COL4A2: variants seen among roughly 807,000 people sequenced by gnomAD.
COL4A2 encodes the protein collagen type IV alpha 2 chain, also known as collagen alpha-2(IV) chain.
A neutral mutation model predicts 200.2 loss-of-function variants in COL4A2; 99 were observed. The observed-to-expected ratio is 0.49, with a 90% CI of 0.42 to 0.58. The LOEUF (loss-of-function observed/expected upper bound fraction) is 0.58, where lower values mean the gene tolerates loss of function less well. Ranked by LOEUF, COL4A2 falls within the 20% of genes least tolerant of loss-of-function variation. COL4A2 has a pLI of 0.00. For missense variants in COL4A2, 1,950 were observed against 2,314.1 expected, an observed-to-expected ratio of 0.84 and a Z score of 3.23; for synonymous variants, 897 against 900.6, an observed-to-expected ratio of 1.00 and a Z score of 0.07.
intron 4 of COL4A2, among the ~76,000 whole-genome samples, chr13:110,393,031 G>A (rs9559785): frequency 0.088 from 13,415 of 152,190 alleles, 976 homozygotes; most frequent in East Asian, 0.36. Flanking sequence ...ATATCCACAC[G>A]AACAGCTGCG....
intron 24 of COL4A2, 137 bp from the exon 25 acceptor site, chr13:110,465,268 G>A (rs775294910): frequency 1.7e-4 from 194 of 1,157,860 alleles, no homozygotes; most frequent in Non-Finnish European, 2.3e-4. Context: ...ATGGCACTAG[G>A]TTCCTGTTCA....
chr13:110,456,729 T>TGCCCTGTGTCTGGGGGG, intron 20 of COL4A2: 1 of 471,152 alleles, frequency 2.1e-6, no homozygotes, highest in Non-Finnish European at 4.4e-6. Context: ...GTGGTGCCCA[T>TGCCCTGTGTCTGGGGGG]GCCCTGTGTC....
chr13:110,365,026 T>C (rs963688673), intron 4 of COL4A2, among the ~76,000 whole-genome samples: 4 of 152,254 alleles, frequency 2.6e-5, no homozygotes, highest in African/African-American at 9.6e-5. Flanking sequence ...GGATATATAC[T>C]AAGTATTTGT....
At chr13:110,449,648 G>A in intron 18 of COL4A2, 31 bp from the exon 19 acceptor site, 1 of 1,527,096 alleles carries the variant, frequency 6.5e-7, no homozygotes, top group Non-Finnish European at 8.8e-7. Context: ...CCACGGTCTT[G>A]TTCTTACTGT....
At chr13:110,399,408 G>A (rs574931985) in intron 4 of COL4A2, among the ~76,000 whole-genome samples, 3 of 152,308 alleles carry the variant, frequency 2.0e-5, no homozygotes, top group South Asian at 2.1e-4. Context: ...GTGAGCTCCC[G>A]TATTGACTTG....
chr13:110,424,585 G>T (rs1434276085), intron 4 of COL4A2, 149 bp from the exon 5 acceptor site: 4 of 494,440 alleles, frequency 8.1e-6, no homozygotes, highest in South Asian at 9.1e-5. Context: ...AGCTATCATG[G>T]CAGTAGATGA....
chr13:110,399,621 G>A (rs969032995), intron 4 of COL4A2, among the ~76,000 whole-genome samples: 1 of 152,194 alleles, frequency 6.6e-6, no homozygotes, highest in African/African-American at 2.4e-5. Flanking sequence ...TTCCCTTGGT[G>A]ACACAATCCA....
chr13:110,376,628 G>T (rs976051237), intron 4 of COL4A2, among the ~76,000 whole-genome samples: 2 of 152,150 alleles, frequency 1.3e-5, no homozygotes, highest in South Asian at 2.1e-4. Flanking sequence ...TGCCTCTCAC[G>T]CTGTAATGTG....
intron 4 of COL4A2, among the ~76,000 whole-genome samples, chr13:110,370,702 T>A (rs1877966061): frequency 6.6e-6 from 1 of 152,260 alleles, no homozygotes; most frequent in Non-Finnish European, 1.5e-5. Flanking sequence ...CAGTTGCTGA[T>A]GTGGAGATGG....
intron 3 of COL4A2, among the ~76,000 whole-genome samples, chr13:110,312,331 G>C (rs140164413): frequency 6.6e-6 from 1 of 152,170 alleles, no homozygotes; most frequent in Non-Finnish European, 1.5e-5. Context: ...GGCTCTGTAC[G>C]ACCAGGCGGC....
intron 27 of COL4A2, chr13:110,468,122 G>A (rs932050481): frequency 4.3e-6 from 2 of 470,558 alleles, no homozygotes; most frequent in African/African-American, 2.0e-5. Flanking sequence ...AGCAATGAGA[G>A]TTAGGAAAGT....
chr13:110,404,384 C>T (rs1879486939), intron 4 of COL4A2, among the ~76,000 whole-genome samples: 1 of 152,198 alleles, frequency 6.6e-6, no homozygotes, highest in South Asian at 2.1e-4. Context: ...ATGCTGACAC[C>T]TACTGCGTGA....
chr13:110,312,607 C>T (rs1885014835), intron 3 of COL4A2, among the ~76,000 whole-genome samples: 1 of 152,148 alleles, frequency 6.6e-6, no homozygotes, highest in African/African-American at 2.4e-5. Context: ...TTCTTTTTAT[C>T]TGAAGAAGAA....
Position 110,446,768 on chromosome 13 carries a change from A to G in COL4A2, c.1012-30A>G. On this transcript the variant is annotated intron_variant, in intron 17 of 47. Transcript: ENST00000360467. ...TCAAAAACTCCAAAAGGCTATTCTCACATCCTGTTTTTCTCTTTTCTTTCT... is the reference window on the plus strand; with the variant it reads ...TCAAAAACTCCAAAAGGCTATTCTCGCATCCTGTTTTTCTCTTTTCTTTCT... 3 of 1,593,696 alleles carry G rather than the reference A, an allele frequency of 1.9e-6. No homozygotes were observed. The South Asian group carries it at 3.3e-5, about 18-fold the overall frequency.
chr13:110,337,047 G>T (rs1321845822), intron 3 of COL4A2, among the ~76,000 whole-genome samples: 8 of 152,214 alleles, frequency 5.3e-5, no homozygotes, highest in Non-Finnish European at 8.8e-5. Flanking sequence ...GTTCCAAGGA[G>T]AAATGAGGGG....
At chr13:110,398,534 T>C (rs930179858) in intron 4 of COL4A2, among the ~76,000 whole-genome samples, 2 of 152,042 alleles carry the variant, frequency 1.3e-5, no homozygotes, top group Non-Finnish European at 1.5e-5. Flanking sequence ...TTGTTTTTAG[T>C]TTAGTGGTTT....
rs3929758 is a variant in COL4A2, at chr13:110,429,810, C to G, written c.478-75C>G. 1.7e-5 allele frequency: 25 copies of G among 1,470,998 alleles called. No individual in the cohort carries two copies. The African/African-American group carries it at 3.1e-4, about 18-fold the overall frequency. 91.1% of individuals were successfully genotyped at this position (1,470,998 alleles called of 1,614,324 possible). Reference sequence around the variant, plus strand: ...ACAAAAGTCAATGTTCAGTCATCCACATTACCATAGCTGCACCGAATGTTA... The same window carrying G: ...ACAAAAGTCAATGTTCAGTCATCCAGATTACCATAGCTGCACCGAATGTTA... On this transcript the variant is annotated intron_variant, in intron 7 of 47. Coordinates refer to ENST00000360467, the MANE Select transcript of COL4A2 (RefSeq NM_001846.4).
At chr13:110,489,172 G>T (rs1883202652) in intron 34 of COL4A2, among the ~76,000 whole-genome samples, 1 of 152,076 alleles carries the variant, frequency 6.6e-6, no homozygotes, top group Non-Finnish European at 1.5e-5. Flanking sequence ...GGAAATCAAG[G>T]CAACATTGAG....
intron 4 of COL4A2, among the ~76,000 whole-genome samples, chr13:110,365,685 C>T (rs2139396582): frequency 6.6e-6 from 1 of 152,320 alleles, no homozygotes; most frequent in African/African-American, 2.4e-5. Context: ...AAGAGTCACC[C>T]TGGCCCCATT....
Sources: gnomAD v4.1 joint callset for allele counts (sites outside exome capture counted in the v4.1 genomes callset) on GRCh38, gnomAD v4.1.1 for gene constraint, MANE v1.5 for transcripts, NCBI Gene and HGNC (gene_info 2026-07-23, HGNC 2026-07-21) for gene names.